The following FBLN7 variants were observed in gnomAD, a reference collection of about 807,000 sequenced individuals.
FBLN7 encodes fibulin-7.
A neutral mutation model predicts 44.0 loss-of-function variants in FBLN7; 31 were observed. The observed-to-expected ratio is 0.70, with a 90% CI of 0.53 to 0.95. The LOEUF (loss-of-function observed/expected upper bound fraction) is 0.95. Among genes scored for constraint, FBLN7 ranks in the 40% least tolerant of loss-of-function variants. The pLI is 0.00. For missense variants in FBLN7, 573 were observed against 618.5 expected (o/e 0.93, Z 0.78); for synonymous variants, 262 against 253.4 (o/e 1.03, Z -0.32).
At chr2:112,233,986 T>C in the FBLN7 span, 1 of 562,322 alleles carries the variant, frequency 1.8e-6, no homozygotes, top group Non-Finnish European at 2.9e-6. Context: ...AAAAGAATAC[T>C]TCACTAAAAT....
rs1174357524 is a variant in FBLN7, at chr2:112,182,931, G to A, written c.808+3G>A. ...GGCTGACGGGAAGAGCTGTGAGGGT[G>A]AGTGAGGCTACAGAGTGTCGTCTGC... On this transcript the variant is annotated splice_donor_region_variant and intron_variant, in intron 6 of 7. Transcript: ENST00000331203. 1.2e-6 allele frequency: 2 copies of A among 1,611,848 alleles called. No homozygotes were observed. The highest frequency in any genetic ancestry group is 1.7e-5 in the Admixed American group (1 of 59,862).
chr2:112,202,521 CTG>C, the FBLN7 span, among the ~76,000 whole-genome samples: 1 of 151,890 alleles, frequency 6.6e-6, no homozygotes, highest in Non-Finnish European at 1.5e-5. Flanking sequence ...GTTTCTACCT[CTG>C]GAACAGCAGA....
At chr2:112,224,637 A>G in the FBLN7 span, among the ~76,000 whole-genome samples, 1 of 152,212 alleles carries the variant, frequency 6.6e-6, no homozygotes, top group African/African-American at 2.4e-5. Flanking sequence ...AAAGAACACA[A>G]TTCAGCAATA....
chr2:112,154,647 A>G (rs1681325495), intron 1 of FBLN7, among the ~76,000 whole-genome samples: 1 of 152,154 alleles, frequency 6.6e-6, no homozygotes, highest in Non-Finnish European at 1.5e-5. Context: ...ACAGCCCTTG[A>G]GGGTCCGGCC....
the FBLN7 span, among the ~76,000 whole-genome samples, chr2:112,207,030 G>A: frequency 2.0e-5 from 3 of 152,182 alleles, no homozygotes; most frequent in African/African-American, 7.2e-5. Flanking sequence ...ACTGTGTTCA[G>A]CTTTCTTACT....
the FBLN7 span, chr2:112,238,211 C>G: frequency 8.5e-7 from 1 of 1,173,006 alleles, no homozygotes; most frequent in Admixed American, 2.4e-5. Flanking sequence ...AAACCATAGT[C>G]TTATCATAAG....
At chr2:112,178,071 G>A (rs908428140) in intron 4 of FBLN7, 1 of 151,996 alleles carries the variant, frequency 6.6e-6, no homozygotes, top group Non-Finnish European at 1.5e-5. Context: ...CAGAGGCAGA[G>A]GCAGGAGAAT....
the FBLN7 span, among the ~76,000 whole-genome samples, chr2:112,221,188 T>A: frequency 6.6e-6 from 1 of 152,204 alleles, no homozygotes; most frequent in Non-Finnish European, 1.5e-5. Context: ...TGCTCAAATC[T>A]ATGTTGAATT....
intron 1 of FBLN7, among the ~76,000 whole-genome samples, chr2:112,154,260 A>G (rs1188999394): frequency 2.0e-5 from 3 of 152,328 alleles, no homozygotes; most frequent in East Asian, 1.9e-4. Flanking sequence ...TTTATTGTCA[A>G]TGACATAAGT....
the FBLN7 span, among the ~76,000 whole-genome samples, chr2:112,201,373 C>T: frequency 3.9e-5 from 6 of 152,358 alleles, no homozygotes; most frequent in South Asian, 2.1e-4. Context: ...GAACAAAGGC[C>T]GTGGGCCCCA....
At chr2:112,148,149 G>C (rs1680979150) in intron 1 of FBLN7, among the ~76,000 whole-genome samples, 1 of 152,196 alleles carries the variant, frequency 6.6e-6, no homozygotes, top group Non-Finnish European at 1.5e-5. Context: ...TTCCGGCCTA[G>C]TATGGCCTGG....
intron 1 of FBLN7, among the ~76,000 whole-genome samples, chr2:112,146,690 G>C (rs1376074675): frequency 6.6e-6 from 1 of 151,318 alleles, no homozygotes; most frequent in Non-Finnish European, 1.5e-5. Context: ...ATTATTTATA[G>C]GGAATTTTAA....
At chr2:112,177,844 G>GA (rs1682804275) in intron 4 of FBLN7, 1 of 152,038 alleles carries the variant, frequency 6.6e-6, no homozygotes, top group African/African-American at 2.4e-5. Context: ...AAAACTTTCA[G>GA]AAAAATAACA....
chr2:112,170,267 CAGAAA>C (rs367719806), intron 3 of FBLN7, among the ~76,000 whole-genome samples: 5,268 of 146,432 alleles, frequency 0.036, 136 homozygotes, highest in African/African-American at 0.074. Context: ...AAAACAAAAA[CAGAAA>C]AGAAAAGAAA....
chr2:112,184,079 C>G (rs890056581), intron 6 of FBLN7, among the ~76,000 whole-genome samples: 7 of 152,182 alleles, frequency 4.6e-5, no homozygotes, highest in Non-Finnish European at 7.3e-5. Flanking sequence ...CAAGTGGGAT[C>G]ATCCTGACCC....
chr2:112,157,747 A>T (rs2312697), intron 1 of FBLN7, among the ~76,000 whole-genome samples: 8 of 151,716 alleles, frequency 5.3e-5, no homozygotes, highest in African/African-American at 1.2e-4. Context: ...CCTACAGGCG[A>T]GCACCACCAT....
At chr2:112,180,072 A>G (rs1355263111) in intron 4 of FBLN7, among the ~76,000 whole-genome samples, 5 of 152,228 alleles carry the variant, frequency 3.3e-5, no homozygotes, top group Admixed American at 6.5e-5. Flanking sequence ...ATGGGAGAAA[A>G]TATTTGCAAA....
chr2:112,233,414 A>G, the FBLN7 span: 3 of 1,284,316 alleles, frequency 2.3e-6, no homozygotes, highest in Non-Finnish European at 3.3e-6. Context: ...TATTTCTCAT[A>G]GTCAAGTCAT....
chr2:112,230,439 CTAAA>C, the FBLN7 span, among the ~76,000 whole-genome samples: 1 of 151,898 alleles, frequency 6.6e-6, no homozygotes, highest in African/African-American at 2.4e-5. Flanking sequence ...TGAAAATAAC[CTAAA>C]TATTCATTAA....
Sources: gnomAD v4.1 joint callset for allele counts (sites outside exome capture counted in the v4.1 genomes callset) on GRCh38, gnomAD v4.1.1 for gene constraint, MANE v1.5 for transcripts, NCBI Gene and HGNC (gene_info 2026-07-23, HGNC 2026-07-21) for gene names.